PPP1R12B: variants seen among roughly 807,000 people sequenced by gnomAD.
PPP1R12B encodes protein phosphatase 1 regulatory subunit 12B.
Under a neutral mutation model 126.1 loss-of-function variants are expected in PPP1R12B, and 76 were observed. The ratio of observed to expected loss-of-function variants is 0.60; its 90% CI spans 0.50 to 0.73. PPP1R12B has a LOEUF of 0.73. Among genes scored for constraint, PPP1R12B ranks in the 30% least tolerant of loss-of-function variants. The pLI, the probability that PPP1R12B is intolerant of heterozygous loss-of-function variation, is 0.00. For synonymous variants in PPP1R12B, 356 were observed against 434.7 expected (o/e 0.82, Z 2.25); for missense variants, 1,052 against 1,205.1 (o/e 0.87, Z 1.88).
chr1:202,446,796 A>G (rs1318015989), intron 12 of PPP1R12B, among the ~76,000 whole-genome samples: 2 of 149,956 alleles, frequency 1.3e-5, no homozygotes, highest in African/African-American at 4.9e-5. Flanking sequence ...TTTTTCTTGC[A>G]CTTAAGAAAG....
At chr1:202,498,699 A>G (rs12082948) in intron 18 of PPP1R12B, among the ~76,000 whole-genome samples, 2,752 of 152,286 alleles carry the variant, frequency 0.018, 80 homozygotes, top group African/African-American at 0.057. Context: ...GTAGTATCTT[A>G]TGACCACCTC....
intron 1 of PPP1R12B, among the ~76,000 whole-genome samples, chr1:202,405,280 C>T (rs1666444542): frequency 6.6e-6 from 1 of 152,142 alleles, no homozygotes; most frequent in Non-Finnish European, 1.5e-5. Context: ...GCTATAGGAG[C>T]CCTGGCCCAT....
Position 202,562,907 on chromosome 1 carries a change from C to A in PPP1R12B, c.2637C>A (p.Asn879Lys). ...TLTSRVEEDSNRDYKKLYESA... is the reference protein window; with the variant it reads ...TLTSRVEEDSKRDYKKLYESA... ...CCAGCCGTGTAGAAGAAGACAGCAA[C>A]AGAGATTATAAAAAAGTAGGGTCTT... is the stretch of plus-strand genomic sequence containing the variant. The change falls in exon 20 of 24, where the codon AAC (asparagine) becomes AAA (lysine). Residue 879 changes from asparagine to lysine, a missense_variant. By Grantham distance (94) the Asn-to-Lys change is moderately conservative. Transcript: ENST00000608999. 6.3e-7 allele frequency: 1 copy of A among 1,576,590 alleles called. No homozygotes were observed. The highest frequency in any genetic ancestry group is 2.0e-5 in the Admixed American group (1 of 49,462).
chr1:202,558,098 G>T (rs1687136818), intron 18 of PPP1R12B, among the ~76,000 whole-genome samples: 1 of 150,878 alleles, frequency 6.6e-6, no homozygotes, highest in Non-Finnish European at 1.5e-5. Flanking sequence ...ATAATTAAGT[G>T]CATTTAAATC....
intron 1 of PPP1R12B, among the ~76,000 whole-genome samples, chr1:202,364,910 C>T (rs1658920040): frequency 6.6e-6 from 1 of 151,984 alleles, no homozygotes. Flanking sequence ...TGTGGTCTCA[C>T]TGTGTTGCCC....
intron 1 of PPP1R12B, among the ~76,000 whole-genome samples, chr1:202,361,464 C>T (rs1483030232): frequency 6.6e-6 from 1 of 152,126 alleles, no homozygotes; most frequent in Non-Finnish European, 1.5e-5. Flanking sequence ...AATCAGATCT[C>T]CTGTGAAGAG....
chr1:202,379,917 G>T (rs954597892), intron 1 of PPP1R12B, among the ~76,000 whole-genome samples: 1 of 152,144 alleles, frequency 6.6e-6, no homozygotes, highest in Non-Finnish European at 1.5e-5. Context: ...TACAGCACAG[G>T]AATCTGTATT....
intron 1 of PPP1R12B, among the ~76,000 whole-genome samples, chr1:202,382,919 C>A (rs189336817): frequency 1.3e-5 from 2 of 151,238 alleles, no homozygotes; most frequent in East Asian, 3.9e-4. Flanking sequence ...ATATAAAATC[C>A]AAGAGTACTT....
chr1:202,529,760 C>A (rs928604096), intron 18 of PPP1R12B, among the ~76,000 whole-genome samples: 4 of 152,134 alleles, frequency 2.6e-5, no homozygotes, highest in African/African-American at 9.7e-5. Flanking sequence ...ATAAGCACAA[C>A]TTAACTATCA....
At position 202,586,789 on chromosome 1, in the gene PPP1R12B, TGTAA is replaced by T. The variant is rs950891603; in HGVS notation, c.*6235_*6238del. The T allele has an allele frequency of 5.9e-5, 9 of 152,198 alleles. No homozygotes were observed. The highest frequency in any genetic ancestry group is 3.9e-4 in the East Asian group (2 of 5,194). The allele number at this position is 152,198 out of a possible 1,614,324, so 9.4% of individuals were successfully genotyped here. A position where few individuals can be genotyped will look rare whatever the true frequency, so the allele number is the denominator to read the frequency against. ...CCCGGAAGCCCTCCTTCGGGAGAACTGTAAGTAAGAGGTGGGTGTGTCTAAAGAC... is the reference window on the plus strand; with the variant it reads ...CCCGGAAGCCCTCCTTCGGGAGAACTGTAAGAGGTGGGTGTGTCTAAAGAC... On this transcript the variant is annotated 3_prime_UTR_variant, in exon 24 of 24. Transcript: ENST00000608999.
intron 18 of PPP1R12B, among the ~76,000 whole-genome samples, chr1:202,536,211 T>A (rs1684513380): frequency 1.3e-5 from 2 of 152,148 alleles, no homozygotes; most frequent in Non-Finnish European, 2.9e-5. Flanking sequence ...TTTTAGGCAA[T>A]TTCGTCCCTG....
chr1:202,421,280 G>A (rs528094373), intron 2 of PPP1R12B, among the ~76,000 whole-genome samples: 1 of 151,012 alleles, frequency 6.6e-6, no homozygotes, highest in Admixed American at 6.6e-5. Context: ...GCAGTGGCCA[G>A]TGGCCATATA....
At chr1:202,467,345 G>A (rs1376771534) in intron 13 of PPP1R12B, among the ~76,000 whole-genome samples, 1 of 151,714 alleles carries the variant, frequency 6.6e-6, no homozygotes, top group Non-Finnish European at 1.5e-5. Flanking sequence ...TTTAGCATTA[G>A]GTATATCTCC....
chr1:202,580,351 T>C (rs1689474988), intron 23 of PPP1R12B, 123 bp from the exon 24 acceptor site: 2 of 681,198 alleles, frequency 2.9e-6, no homozygotes, highest in Admixed American at 2.4e-5. Context: ...GAAGGGACCA[T>C]GAGAGTTTAT....
At chr1:202,418,886 A>G (rs1164321147) in intron 2 of PPP1R12B, among the ~76,000 whole-genome samples, 1 of 152,146 alleles carries the variant, frequency 6.6e-6, no homozygotes, top group East Asian at 1.9e-4. Flanking sequence ...TGTTGTAAAT[A>G]AGATCAGTCC....
In PPP1R12B at chr1:202,545,484, T is replaced by G. The variant is rs549191262; in HGVS notation, c.2491-13393T>G. ...CGGTGTCCTGCCCTTCTACTCTAAT[T>G]TTTAGTTCCATGATAAATGTGTATC... On this transcript the variant is annotated intron_variant, in intron 18 of 23. Transcript: ENST00000608999. 1.3e-3 allele frequency among the ~76,000 whole-genome samples: 203 copies of G among 152,318 alleles called. 2 individuals carry two copies. Among genetic ancestry groups the G allele is most frequent in the African/African-American group, 4.5e-3 (187 of 41,568 alleles).
intron 18 of PPP1R12B, among the ~76,000 whole-genome samples, chr1:202,531,720 G>A (rs1020504783): frequency 2.0e-5 from 3 of 152,066 alleles, no homozygotes; most frequent in Admixed American, 6.6e-5. Flanking sequence ...ACTGTATATT[G>A]TATCTACTCA....
intron 3 of PPP1R12B, among the ~76,000 whole-genome samples, chr1:202,424,731 A>G (rs1460913980): frequency 6.6e-6 from 1 of 152,188 alleles, no homozygotes; most frequent in Non-Finnish European, 1.5e-5. Flanking sequence ...ATTATTTTGT[A>G]TAATGGGGTA....
In PPP1R12B at chr1:202,442,313, A is replaced by G. The variant is rs1671731713; in HGVS notation, c.1542-134A>G. 4.8e-6 allele frequency: 5 copies of G among 1,033,932 alleles called. 1 individual carries two copies. In the East Asian group the frequency reaches 1.3e-4, roughly 27 times the overall value. 64.0% of individuals were successfully genotyped at this position (1,033,932 alleles called of 1,614,324 possible). On this transcript the variant is annotated intron_variant, in intron 11 of 23. Coordinates refer to ENST00000608999, the MANE Select transcript of PPP1R12B (RefSeq NM_002481.4). Reference sequence around the variant, plus strand: ...TCTGTACAGAAAACTGGTATATAAAACAGAATAACCTGAAGAATGTGTCTA... The same window carrying G: ...TCTGTACAGAAAACTGGTATATAAAGCAGAATAACCTGAAGAATGTGTCTA...
Sources: gnomAD v4.1 joint callset for allele counts (sites outside exome capture counted in the v4.1 genomes callset) on GRCh38, gnomAD v4.1.1 for gene constraint, MANE v1.5 for transcripts, NCBI Gene and HGNC (gene_info 2026-07-23, HGNC 2026-07-21) for gene names.